Variants in RAMP1 observed in about 807,000 individuals in gnomAD.
RAMP1 encodes receptor activity-modifying protein 1.
A neutral mutation model predicts 8.2 loss-of-function variants in RAMP1; 7 were observed. The ratio of observed to expected loss-of-function variants is 0.85; its 90% CI spans 0.49 to 1.60. RAMP1 has a LOEUF of 1.60. RAMP1 is among the 40% of genes most tolerant of loss of function. The probability of loss-of-function intolerance (pLI) is 0.00; values close to 1 mark genes in which losing one functional copy is unlikely to be tolerated. For synonymous variants in RAMP1, 92 were observed against 84.7 expected (o/e 1.09, Z -0.47); for missense variants, 192 against 202.4 (o/e 0.95, Z 0.31).
At position 237,865,893 on chromosome 2, in the gene RAMP1, G is replaced by T. The variant is rs925686585; in HGVS notation, c.52+6166G>T. Among the ~76,000 whole-genome samples the T allele has an allele frequency of 6.6e-6, 1 of 152,074 alleles. No individual in the cohort carries two copies. The highest frequency in any genetic ancestry group is 2.4e-5 in the African/African-American group (1 of 41,512). ...CAGGGTCCTTTGCAGGAGAGGCAGCGGCGAAAGCTGCCCTTAGGAGGCAGC... is the reference window on the plus strand; with the variant it reads ...CAGGGTCCTTTGCAGGAGAGGCAGCTGCGAAAGCTGCCCTTAGGAGGCAGC... On this transcript the variant is annotated intron_variant, in intron 1 of 2. Transcript: ENST00000254661. The surrounding 1 kb of genome is among the most constrained non-coding windows in gnomAD (Gnocchi z 4.2).
chr2:237,895,728 C>T (rs911233156), intron 2 of RAMP1, among the ~76,000 whole-genome samples: 5 of 204 alleles, frequency 0.025, no homozygotes, highest in African/African-American at 0.1. Context: ...ATGCTTTGGG[C>T]CGGCTGGCTG....
intron 2 of RAMP1, among the ~76,000 whole-genome samples, chr2:237,906,468 C>G (rs1278728555): frequency 1.3e-5 from 2 of 152,144 alleles, no homozygotes; most frequent in African/African-American, 4.8e-5. Flanking sequence ...CCTCTTAAAG[C>G]CCCCAGGGGT....
chr2:237,902,365 A>G lies in RAMP1; in HGVS notation c.192-9163A>G, dbSNP rs1171905588. Among the ~76,000 whole-genome samples, 17 of 139,584 alleles carry G rather than the reference A, an allele frequency of 1.2e-4. 1 individual carries two copies. Among genetic ancestry groups the G allele is most frequent in the Admixed American group, 4.3e-4 (6 of 13,904 alleles). The allele number at this position is 139,584 out of a possible 152,430, so 91.6% of individuals were successfully genotyped here. A position where few individuals can be genotyped will look rare whatever the true frequency, so the allele number is the denominator to read the frequency against. ...AGGAGGGGCTGGGAGGAGGAGGGAGAGGCCAGGAGGAGAGAGGGATCAGGA... is the reference window on the plus strand; with the variant it reads ...AGGAGGGGCTGGGAGGAGGAGGGAGGGGCCAGGAGGAGAGAGGGATCAGGA... On this transcript the variant is annotated intron_variant, in intron 2 of 2. Transcript: ENST00000254661.
intron 2 of RAMP1, among the ~76,000 whole-genome samples, chr2:237,885,423 G>A (rs1046856030): frequency 1.3e-5 from 2 of 152,248 alleles, no homozygotes; most frequent in African/African-American, 2.4e-5. Flanking sequence ...AGCATCTGGG[G>A]CTGCCTCGGT....
intron 2 of RAMP1, among the ~76,000 whole-genome samples, chr2:237,904,101 G>A (rs1217293567): frequency 6.6e-6 from 1 of 152,214 alleles, no homozygotes; most frequent in Admixed American, 6.5e-5. Context: ...CACATGCTTA[G>A]TAGTCATTTG....
At chr2:237,871,835 T>C (rs962704703) in intron 1 of RAMP1, among the ~76,000 whole-genome samples, 3 of 152,082 alleles carry the variant, frequency 2.0e-5, no homozygotes, top group Admixed American at 6.5e-5. Flanking sequence ...CACTCCAACC[T>C]AGGCAGCAGA....
chr2:237,903,662 G>C (rs914875297), intron 2 of RAMP1, among the ~76,000 whole-genome samples: 6 of 151,948 alleles, frequency 3.9e-5, no homozygotes, highest in African/African-American at 1.5e-4. Context: ...AACTAGCTGG[G>C]ACTACAGGTG....
chr2:237,903,354 G>A (rs752596199), intron 2 of RAMP1, among the ~76,000 whole-genome samples: 1 of 152,084 alleles, frequency 6.6e-6, no homozygotes, highest in Non-Finnish European at 1.5e-5. Context: ...ATTAATTTAG[G>A]ATAATTCCCA....
At chr2:237,910,087 G>A (rs551403399) in intron 2 of RAMP1, among the ~76,000 whole-genome samples, 1 of 152,136 alleles carries the variant, frequency 6.6e-6, no homozygotes, top group Non-Finnish European at 1.5e-5. Flanking sequence ...AGCCGTGGCA[G>A]GATAGGGTCA....
At chr2:237,891,481 T>G (rs923067875) in intron 2 of RAMP1, among the ~76,000 whole-genome samples, 8 of 152,210 alleles carry the variant, frequency 5.3e-5, no homozygotes, top group Non-Finnish European at 1.5e-5. Flanking sequence ...AGATATTGTC[T>G]TCTTGACTTT....
intron 1 of RAMP1, among the ~76,000 whole-genome samples, chr2:237,874,476 C>T (rs946472940): frequency 1.3e-5 from 2 of 152,232 alleles, no homozygotes; most frequent in Admixed American, 6.5e-5. Flanking sequence ...TTACCAGATC[C>T]TCCACTGCTC....
At chr2:237,908,352 A>G (rs1055988671) in intron 2 of RAMP1, among the ~76,000 whole-genome samples, 1 of 150,026 alleles carries the variant, frequency 6.7e-6, no homozygotes. Flanking sequence ...CCCTGTGGCA[A>G]ACTCTGTCGG....
intron 2 of RAMP1, among the ~76,000 whole-genome samples, chr2:237,879,584 C>A (rs1209441651): frequency 9.2e-3 from 1,152 of 124,598 alleles, no homozygotes; most frequent in African/African-American, 0.035. Flanking sequence ...TGGTGTGCTG[C>A]ACCCATTAAC....
Position 237,910,137 on chromosome 2 carries a change from C to T in RAMP1, c.192-1391C>T, listed in dbSNP as rs952144809. Among the ~76,000 whole-genome samples, 6 of 152,112 alleles carry T rather than the reference C, an allele frequency of 3.9e-5. No individual in the cohort carries two copies. The South Asian group carries it at 6.2e-4, about 16-fold the overall frequency. The stretch of plus-strand genomic sequence containing the variant: ...AAGTCCATATGGGGTCACACGTACC[C>T]GGTCACACACACAGAATAACACAGT... On this transcript the variant is annotated intron_variant, in intron 2 of 2. Coordinates refer to ENST00000254661, the MANE Select transcript of RAMP1 (RefSeq NM_005855.4).
At chr2:237,904,003 C>T (rs1179776556) in intron 2 of RAMP1, among the ~76,000 whole-genome samples, 2 of 152,172 alleles carry the variant, frequency 1.3e-5, no homozygotes, top group Non-Finnish European at 2.9e-5. Flanking sequence ...CCTCCCCCAG[C>T]GTTGGGTTTA....
At chr2:237,867,875 C>T (rs2062205754) in intron 1 of RAMP1, among the ~76,000 whole-genome samples, 1 of 152,036 alleles carries the variant, frequency 6.6e-6, no homozygotes, top group Non-Finnish European at 1.5e-5. Context: ...TTATTCTTTC[C>T]CTGTGTGCTA....
At chr2:237,910,442 CAGAG>C (rs755653139) in intron 2 of RAMP1, among the ~76,000 whole-genome samples, 1 of 151,682 alleles carries the variant, frequency 6.6e-6, no homozygotes, top group Non-Finnish European at 1.5e-5. Context: ...GTCACACACT[CAGAG>C]AATAACAGTC....
intron 2 of RAMP1, among the ~76,000 whole-genome samples, chr2:237,901,939 T>A (rs2062602204): frequency 6.6e-6 from 1 of 152,104 alleles, no homozygotes; most frequent in Non-Finnish European, 1.5e-5. Context: ...TGCCCCATCC[T>A]GGGCACAGTG....
intron 2 of RAMP1, among the ~76,000 whole-genome samples, chr2:237,885,854 G>A (rs569497422): frequency 6.6e-6 from 1 of 152,214 alleles, no homozygotes; most frequent in Non-Finnish European, 1.5e-5. Context: ...GCACACCCCA[G>A]GGGCACGGAA....
Sources: gnomAD v4.1 joint callset for allele counts (sites outside exome capture counted in the v4.1 genomes callset) on GRCh38, gnomAD v4.1.1 for gene constraint, Gnocchi (gnomAD v3.1) non-coding constraint, MANE v1.5 for transcripts, NCBI Gene and HGNC (gene_info 2026-07-23, HGNC 2026-07-21) for gene names.